TTC39A: variants seen among roughly 807,000 people sequenced by gnomAD.
TTC39A encodes tetratricopeptide repeat domain 39A.
TTC39A carries 46 observed loss-of-function variants against 82.3 expected under a neutral mutation model. The observed-to-expected ratio is 0.56, with a 90% CI of 0.44 to 0.71. TTC39A has a LOEUF of 0.71. Ranked by LOEUF, TTC39A falls within the 30% of genes least tolerant of loss-of-function variation. The pLI, the probability that TTC39A is intolerant of heterozygous loss-of-function variation, is 0.00. For missense variants in TTC39A, 543 were observed against 712.9 expected (o/e 0.76, Z 2.71); for synonymous variants, 254 against 275.2 (o/e 0.92, Z 0.76).
chr1:51,321,676 GAC>G lies in TTC39A; in HGVS notation c.146+43_146+44del, dbSNP rs1351977019. On this transcript the variant is annotated intron_variant, in intron 2 of 17. Coordinates refer to ENST00000680483, the MANE Select transcript of TTC39A (RefSeq NM_001297663.2). This position sits in a 1 kb window ranked among gnomAD's most constrained non-coding sequence, Gnocchi z 4.6. Reference sequence around the variant, plus strand: ...TCATACAAGACCTCTGGTTCTCCCTGACCGTCATGCACACCCCCTACCCCAAC... The same window carrying G: ...TCATACAAGACCTCTGGTTCTCCCTGCGTCATGCACACCCCCTACCCCAAC... 2.5e-6 allele frequency: 4 copies of G among 1,575,914 alleles called. No homozygotes were observed. The highest frequency in any genetic ancestry group is 3.5e-6 in the Non-Finnish European group (4 of 1,150,926).
chr1:51,289,710 C>T (rs1463966121), intron 16 of TTC39A, among the ~76,000 whole-genome samples: 2 of 152,176 alleles, frequency 1.3e-5, no homozygotes, highest in Non-Finnish European at 2.9e-5. Context: ...CATTGCCCTC[C>T]CTGAGGGCAA....
intron 11 of TTC39A, chr1:51,301,938 G>A: frequency 1.5e-6 from 1 of 687,586 alleles, no homozygotes; most frequent in East Asian, 2.7e-5. Flanking sequence ...ATGACGTTGG[G>A]CTCAAATACA....
At chr1:51,337,396 G>T (rs150889226) in intron 1 of TTC39A, among the ~76,000 whole-genome samples, 1 of 150,274 alleles carries the variant, frequency 6.7e-6, no homozygotes. Context: ...CACCTTCTCC[G>T]TGAGGCCTTC....
intron 6 of TTC39A, among the ~76,000 whole-genome samples, chr1:51,308,325 C>T (rs747652232): frequency 7.9e-5 from 12 of 152,006 alleles, no homozygotes; most frequent in African/African-American, 2.2e-4. Context: ...CTGCAACCTC[C>T]GCCTCCCTGG....
intron 1 of TTC39A, among the ~76,000 whole-genome samples, chr1:51,326,566 T>C (rs61357158): frequency 0.031 from 4,735 of 152,208 alleles, 255 homozygotes; most frequent in African/African-American, 0.11. Flanking sequence ...TTCAACTTAT[T>C]TAAATTGATG....
chr1:51,327,055 C>T (rs544288718), intron 1 of TTC39A, among the ~76,000 whole-genome samples: 15 of 152,308 alleles, frequency 9.8e-5, no homozygotes, highest in African/African-American at 3.6e-4. Flanking sequence ...TAGCCTGGAG[C>T]CGCCCCCACT....
rs1459127659 is a variant in TTC39A at position 51,302,563 on chromosome 1, G to A, written c.774C>T (p.Asn258=). The A allele has an allele frequency of 6.9e-6, 11 of 1,603,288 alleles. No homozygotes were observed. Among genetic ancestry groups the A allele is most frequent in the Middle Eastern group, 3.3e-4 (2 of 6,072 alleles). The change falls in exon 10 of 18, where the codon AAC becomes AAT. Residue 258 remains asparagine, a synonymous_variant. Coordinates refer to ENST00000680483, the MANE Select transcript of TTC39A (RefSeq NM_001297663.2). ...TFLTFVLGTG[N]VNIEEAEKLL... is the part of the protein sequence containing the mutation. The stretch of plus-strand genomic sequence containing the variant: ...GCTTCTCGGCCTCCTCGATGTTGAC[G>A]TTCCCAGTACCTGGAGGAGATGGTG...
intron 1 of TTC39A, among the ~76,000 whole-genome samples, chr1:51,344,171 G>A (rs1646069424): frequency 1.3e-5 from 2 of 152,208 alleles, no homozygotes; most frequent in South Asian, 2.1e-4. Flanking sequence ...GACACCGGAG[G>A]AGGAACAAGT....
upstream of TTC39A, chr1:51,331,369 A>G: frequency 1.4e-6 from 2 of 1,480,026 alleles, no homozygotes; most frequent in Non-Finnish European, 1.8e-6. Context: ...GCCCATGAAG[A>G]GTTAACCAGT....
intron 5 of TTC39A, 54 bp downstream of exon 5, chr1:51,311,200 G>A (rs889794632): frequency 1.3e-4 from 197 of 1,517,900 alleles, no homozygotes; most frequent in Middle Eastern, 1.7e-4. Flanking sequence ...ATGGTTGGAC[G>A]TGGAAACTGA....
Position 51,303,206 on chromosome 1 carries a change from AGGGT to A in TTC39A, c.655-18_655-15del. ...CAGCCCATAGTCCTGAGGGGATGGG[AGGGT>A]GGGTGAGGCTCCCAGAGAGGGCAGG... On this transcript the variant is annotated splice_polypyrimidine_tract_variant and intron_variant, in intron 8 of 17. Coordinates refer to ENST00000680483, the MANE Select transcript of TTC39A (RefSeq NM_001297663.2). 4.0e-6 allele frequency: 2 copies of A among 503,258 alleles called. No homozygotes were observed. The highest frequency in any genetic ancestry group is 7.7e-6 in the Non-Finnish European group (2 of 260,416). The allele number at this position is 503,258 out of a possible 1,614,324, so 31.2% of individuals were successfully genotyped here.
chr1:51,326,121 C>G (rs1180775136), intron 1 of TTC39A: 2 of 152,496 alleles, frequency 1.3e-5, no homozygotes, highest in Non-Finnish European at 2.9e-5. Context: ...AGCTCACAGC[C>G]TACAGGTGAC....
intron 6 of TTC39A, 73 bp from the exon 7 acceptor site, chr1:51,306,149 T>C (rs999082231): frequency 7.7e-7 from 1 of 1,298,002 alleles, no homozygotes; most frequent in Non-Finnish European, 1.1e-6. Flanking sequence ...CCCTTCCAGC[T>C]GGGCCTCAGG....
At chr1:51,344,837 C>T (rs1174838098) in intron 1 of TTC39A, among the ~76,000 whole-genome samples, 2 of 152,192 alleles carry the variant, frequency 1.3e-5, no homozygotes, top group African/African-American at 4.8e-5. Context: ...GCGGCGCTGC[C>T]CCTCTCGGGC....
intron 5 of TTC39A, among the ~76,000 whole-genome samples, chr1:51,309,953 A>T (rs1360060163): frequency 6.6e-6 from 1 of 152,146 alleles, no homozygotes; most frequent in Admixed American, 6.5e-5. Context: ...CTCAAAACCA[A>T]CGGAAATATC....
At chr1:51,316,009 G>T (rs1322791877) in intron 2 of TTC39A, among the ~76,000 whole-genome samples, 2 of 152,148 alleles carry the variant, frequency 1.3e-5, no homozygotes, top group African/African-American at 4.8e-5. Flanking sequence ...TTTCTATTTG[G>T]CAATGAGCCC....
rs1442938862 is a variant in TTC39A at position 51,294,125 on chromosome 1, G to C, written c.1266+266C>G. Among the ~76,000 whole-genome samples, 5 of 152,216 alleles carry C rather than the reference G, an allele frequency of 3.3e-5. No individual in the cohort carries two copies. Reference sequence around the variant, plus strand: ...GCAGCCGGGTGATGCCGCTGCCTGGGCACATGGACATGGGGCTCTCTGTCC... The same window carrying C: ...GCAGCCGGGTGATGCCGCTGCCTGGCCACATGGACATGGGGCTCTCTGTCC... On this transcript the variant is annotated intron_variant, in intron 14 of 17. Transcript: ENST00000680483. This position sits in a 1 kb window ranked among gnomAD's most constrained non-coding sequence, Gnocchi z 4.3.
At chr1:51,313,282 C>A (rs562381434) in intron 2 of TTC39A, among the ~76,000 whole-genome samples, 3 of 152,314 alleles carry the variant, frequency 2.0e-5, no homozygotes, top group Admixed American at 6.5e-5. Flanking sequence ...CCCTTCCCTG[C>A]ACCCAGTGCC....
intron 3 of TTC39A, 140 bp from the exon 4 acceptor site, chr1:51,312,335 G>A (rs1557724986): frequency 2.3e-6 from 2 of 884,696 alleles, no homozygotes; most frequent in Non-Finnish European, 3.4e-6. Flanking sequence ...TCAAACAGAA[G>A]AGGTTTGATA....
Sources: allele counts gnomAD v4.1 joint callset (sites outside exome capture counted in the v4.1 genomes callset), GRCh38; gene constraint gnomAD v4.1.1; non-coding constraint Gnocchi (gnomAD v3.1); transcripts MANE v1.5; gene names NCBI Gene and HGNC (gene_info 2026-07-23, HGNC 2026-07-21).